AP4S1: variants seen among roughly 807,000 people sequenced by gnomAD.
The protein encoded by AP4S1 is adaptor related protein complex 4 subunit sigma 1, also known as AP-4 complex subunit sigma-1.
AP4S1 carries 23 observed loss-of-function variants against 19.8 expected under a neutral mutation model. That is an observed-to-expected ratio of 1.16 (90% CI 0.84 to 1.65). The LOEUF (loss-of-function observed/expected upper bound fraction) is 1.65. Ranked by LOEUF, AP4S1 falls within the 40% of genes most tolerant of loss-of-function variation. AP4S1 has a pLI of 0.00. For synonymous variants in AP4S1, 46 were observed against 54.1 expected (o/e 0.85, Z 0.66); for missense variants, 166 against 172.8 (o/e 0.96, Z 0.22).
At chr14:31,063,492 C>T (rs1203846596) in intron 1 of AP4S1, among the ~76,000 whole-genome samples, 3 of 152,020 alleles carry the variant, frequency 2.0e-5, no homozygotes, top group Non-Finnish European at 4.4e-5. Context: ...TATCTGTAGT[C>T]CCAGCTACTC....
At chr14:31,081,662 A>G (rs1887642415) in intron 5 of AP4S1, among the ~76,000 whole-genome samples, 2 of 151,394 alleles carry the variant, frequency 1.3e-5, no homozygotes, top group South Asian at 4.1e-4. Context: ...ATATATAAAT[A>G]TTTATATAAG....
Position 31,027,531 on chromosome 14 carries a change from G to A in AP4S1, c.-72+1744G>A, listed in dbSNP as rs564886231. On this transcript the variant is annotated intron_variant, in intron 1 of 5. Transcript: ENST00000542754. ...ACAAAAATTAGCCGGGCATGGTGGC[G>A]CACACCTGTAGTCCCAGCTCCTGGG... is the stretch of plus-strand genomic sequence containing the variant. 2.6e-4 allele frequency among the ~76,000 whole-genome samples: 39 copies of A among 152,182 alleles called. No homozygotes were observed. The East Asian group carries it at 7.2e-3, about 28-fold the overall frequency.
chr14:31,084,832 CCAGACAGTT>C, intron 5 of AP4S1: 1 of 1,614,194 alleles, frequency 6.2e-7, no homozygotes, highest in Non-Finnish European at 8.5e-7. Context: ...TTGCTTTTCT[CCAGACAGTT>C]CATCATTCAA....
At chr14:31,062,266 T>G (rs903943996) in intron 1 of AP4S1, among the ~76,000 whole-genome samples, 17 of 151,864 alleles carry the variant, frequency 1.1e-4, no homozygotes, top group Non-Finnish European at 2.2e-4. Context: ...GTCCAGCTAA[T>G]TTTTGTATTT....
intron 2 of AP4S1, among the ~76,000 whole-genome samples, chr14:31,066,553 C>T (rs1408497118): frequency 6.6e-6 from 1 of 152,176 alleles, no homozygotes; most frequent in Non-Finnish European, 1.5e-5. Flanking sequence ...ATCTTGGCTT[C>T]TTATTTAAGT....
At position 31,058,527 on chromosome 14, in the gene AP4S1, ATGTG is replaced by A. The variant is rs140119208; in HGVS notation, c.-71-7553_-71-7550del. ...ACATCTTCCCCATCTCTGTGTGTGTATGTGTGTGTGTGTGTGTGTGTGTGTGTGT... is the reference window on the plus strand; with the variant it reads ...ACATCTTCCCCATCTCTGTGTGTGTATGTGTGTGTGTGTGTGTGTGTGTGT... On this transcript the variant is annotated intron_variant, in intron 1 of 5. Transcript: ENST00000542754. Among the ~76,000 whole-genome samples, 659 of 136,624 alleles carry A rather than the reference ATGTG, an allele frequency of 4.8e-3. 4 individuals are homozygous for A. Among genetic ancestry groups the A allele is most frequent in the East Asian group, 0.013 (64 of 4,814 alleles). 89.6% of individuals were successfully genotyped at this position (136,624 alleles called of 152,430 possible). A position where few individuals can be genotyped will look rare whatever the true frequency, so the allele number is the denominator to read the frequency against.
chr14:31,054,011 T>C (rs190338592), intron 1 of AP4S1, among the ~76,000 whole-genome samples: 15 of 152,308 alleles, frequency 9.8e-5, no homozygotes, highest in Non-Finnish European at 1.8e-4. Context: ...ATTTTATATG[T>C]CTGCTTTGTT....
intron 1 of AP4S1, among the ~76,000 whole-genome samples, chr14:31,057,932 GTT>G (rs980745556): frequency 1.4e-5 from 2 of 139,386 alleles, no homozygotes; most frequent in Admixed American, 7.2e-5. Flanking sequence ...CCAGCCAGTT[GTT>G]TTTTTTTTTT....
At chr14:31,083,655 A>ACAC (rs1391610212) in intron 5 of AP4S1, 3 of 406,666 alleles carry the variant, frequency 7.4e-6, no homozygotes, top group African/African-American at 6.4e-5. Context: ...CAGGTACACA[A>ACAC]CACCATGCCT....
At chr14:31,072,411 C>T (rs1436349405) in intron 3 of AP4S1, among the ~76,000 whole-genome samples, 1 of 151,818 alleles carries the variant, frequency 6.6e-6, no homozygotes, top group Non-Finnish European at 1.5e-5. Flanking sequence ...CGCTCTGTTT[C>T]CCAGGCGGGA....
chr14:31,085,114 G>A, intron 5 of AP4S1: 1 of 1,345,962 alleles, frequency 7.4e-7, no homozygotes, highest in East Asian at 2.9e-5. Flanking sequence ...CTGTGCTCTA[G>A]AAGGCCCATT....
At chr14:31,091,760 A>C (rs1888082463) in intron 5 of AP4S1, among the ~76,000 whole-genome samples, 1 of 152,184 alleles carries the variant, frequency 6.6e-6, no homozygotes, top group Non-Finnish European at 1.5e-5. Context: ...GGAACAATTC[A>C]CTTTACAAAG....
intron 4 of AP4S1, among the ~76,000 whole-genome samples, chr14:31,078,752 T>C (rs1277731165): frequency 6.6e-6 from 1 of 152,092 alleles, no homozygotes; most frequent in Non-Finnish European, 1.5e-5. Flanking sequence ...AAGTAAAGAT[T>C]AGAATTTAAT....
Position 31,069,889 on chromosome 14 carries a change from A to G in AP4S1, c.185A>G (p.Tyr62Cys). The stretch of plus-strand genomic sequence containing the variant: ...GATTTTAAGCTGATATATCGGCAGT[A>G]TGCAGCTCTCTTCATTGTGGTTGGA... ...YKDFKLIYRQ[Y>C]AALFIVVGVN... Residue 62 changes from tyrosine to cysteine, a missense_variant, in exon 3 of 6, where the codon TAT becomes TGT. Physicochemically the swap from Tyr to Cys is radical, Grantham distance 194. Transcript: ENST00000542754. 6.2e-7 allele frequency: 1 copy of G among 1,613,764 alleles called. No individual in the cohort carries two copies. Among genetic ancestry groups the G allele is most frequent in the Non-Finnish European group, 8.5e-7 (1 of 1,179,678 alleles).
At chr14:31,025,585 T>C, upstream of AP4S1, 1 of 417,834 alleles carries the variant, frequency 2.4e-6, no homozygotes, top group South Asian at 2.5e-5. Context: ...CACAGAGAGG[T>C]GCTCGGTCCC....
At chr14:31,032,464 G>A (rs1290954407) in intron 1 of AP4S1, among the ~76,000 whole-genome samples, 1 of 151,846 alleles carries the variant, frequency 6.6e-6, no homozygotes, top group Non-Finnish European at 1.5e-5. Context: ...TGTTCAAAGA[G>A]TGTTGACCGG....
chr14:31,044,933 C>T (rs1175400209), intron 1 of AP4S1, among the ~76,000 whole-genome samples: 2 of 150,324 alleles, frequency 1.3e-5, no homozygotes, highest in East Asian at 2.0e-4. Flanking sequence ...GATAGAGTCT[C>T]GCTCTGTTGC....
chr14:31,039,294 TCCTG>T (rs1252798518), intron 1 of AP4S1, among the ~76,000 whole-genome samples: 1 of 151,956 alleles, frequency 6.6e-6, no homozygotes, highest in Non-Finnish European at 1.5e-5. Context: ...CATGCAATTC[TCCTG>T]CCTCAGCCTC....
chr14:31,041,419 G>A (rs1365971073), intron 1 of AP4S1, among the ~76,000 whole-genome samples: 1 of 152,174 alleles, frequency 6.6e-6, no homozygotes, highest in African/African-American at 2.4e-5. Flanking sequence ...AAAGTGCTGG[G>A]ATTATAGGCA....
Sources: allele counts gnomAD v4.1 joint callset (sites outside exome capture counted in the v4.1 genomes callset), GRCh38; gene constraint gnomAD v4.1.1; transcripts MANE v1.5; gene names NCBI Gene and HGNC (gene_info 2026-07-23, HGNC 2026-07-21).